The following EPB41L5 variants were observed in gnomAD, a reference collection of about 807,000 sequenced individuals.
EPB41L5 encodes the protein band 4.1-like protein 5.
EPB41L5 carries 55 observed loss-of-function variants against 106.6 expected under a neutral mutation model. The observed-to-expected ratio is 0.52, with a 90% confidence interval of 0.42 to 0.65. EPB41L5 has a LOEUF of 0.65. EPB41L5 is among the 30% of genes least tolerant of loss of function. EPB41L5 has a pLI of 0.00. For missense variants in EPB41L5, 871 were observed against 882.1 expected (o/e 0.99, Z 0.16); for synonymous variants, 297 against 306.7 (o/e 0.97, Z 0.33).
At chr2:120,077,888 A>G (rs943558563) in intron 9 of EPB41L5, among the ~76,000 whole-genome samples, 1 of 152,206 alleles carries the variant, frequency 6.6e-6, no homozygotes, top group Admixed American at 6.5e-5. Flanking sequence ...TCTCCCTCTC[A>G]GGAGGCCTCA....
At chr2:120,113,946 C>G (rs1412920320) in intron 16 of EPB41L5, among the ~76,000 whole-genome samples, 1 of 152,170 alleles carries the variant, frequency 6.6e-6, no homozygotes, top group African/African-American at 2.4e-5. Flanking sequence ...GTGAATGATG[C>G]TATGAACATT....
chr2:120,114,627 A>G (rs1684868384), intron 16 of EPB41L5, among the ~76,000 whole-genome samples: 1 of 152,160 alleles, frequency 6.6e-6, no homozygotes, highest in Non-Finnish European at 1.5e-5. Context: ...TTGTCCTTTT[A>G]TTATTGAATT....
chr2:120,021,067 T>G (rs996327463), intron 2 of EPB41L5, among the ~76,000 whole-genome samples: 1 of 152,220 alleles, frequency 6.6e-6, no homozygotes, highest in Admixed American at 6.5e-5. Flanking sequence ...GTCAGCCAGG[T>G]GCAGTGGCTT....
intron 2 of EPB41L5, among the ~76,000 whole-genome samples, chr2:120,041,412 C>A (rs1574509131): frequency 1.3e-5 from 2 of 152,106 alleles, no homozygotes; most frequent in East Asian, 3.9e-4. Flanking sequence ...TACAAAGTTT[C>A]TTTCCTATTT....
At position 120,157,544 on chromosome 2, in the gene EPB41L5, C is replaced by T. The variant is rs371611695; in HGVS notation, c.1794-3337C>T. On this transcript the variant is annotated intron_variant, in intron 20 of 24. Transcript: ENST00000263713. The stretch of plus-strand genomic sequence containing the variant: ...CAGCAGTTAGGAAGGTGGAGGCAGA[C>T]GGATCACTTGAGACCAGGTGTTCAA... 9.9e-5 allele frequency among the ~76,000 whole-genome samples: 15 copies of T among 152,046 alleles called. No individual in the cohort carries two copies. In the East Asian group the frequency reaches 2.3e-3, roughly 24 times the overall value.
In EPB41L5 at chr2:120,174,870, T is replaced by C. The variant is rs779287787; in HGVS notation, c.2165T>C (p.Val722Ala). 2.5e-6 allele frequency: 4 copies of C among 1,614,148 alleles called. No individual in the cohort carries two copies. The highest frequency in any genetic ancestry group is 3.4e-6 in the Non-Finnish European group (4 of 1,180,016). Residue 722 changes from valine to alanine, a missense_variant, in exon 25 of 25, where the codon GTC becomes GCC. Transcript: ENST00000263713. ...GGTCCCATTTTGGCAGAAGAAGCTG[T>C]CCTGAAGCAGAAGTGTTTACTGACC... ...SSGPILAEEA[V>A]LKQKCLLTTE...
chr2:120,160,030 A>G (rs906013294), intron 20 of EPB41L5, among the ~76,000 whole-genome samples: 1 of 152,252 alleles, frequency 6.6e-6, no homozygotes, highest in Non-Finnish European at 1.5e-5. Context: ...ACACGTGGAC[A>G]CATAGAGGTG....
chr2:120,072,565 T>C (rs572307318), intron 3 of EPB41L5, among the ~76,000 whole-genome samples: 15 of 152,182 alleles, frequency 9.9e-5, no homozygotes, highest in Non-Finnish European at 2.1e-4. Flanking sequence ...ATAAGGAAAA[T>C]GTAGCACATA....
intron 2 of EPB41L5, among the ~76,000 whole-genome samples, chr2:120,028,495 C>G (rs1227392093): frequency 6.6e-6 from 1 of 152,078 alleles, no homozygotes; most frequent in Non-Finnish European, 1.5e-5. Flanking sequence ...ATGATCATCC[C>G]ACTGCACTCC....
At chr2:120,129,048 G>A (rs1685577996) in intron 17 of EPB41L5, among the ~76,000 whole-genome samples, 1 of 152,184 alleles carries the variant, frequency 6.6e-6, no homozygotes, top group Non-Finnish European at 1.5e-5. Context: ...GATGGACTGG[G>A]AAAGGGCTGA....
intron 21 of EPB41L5, among the ~76,000 whole-genome samples, chr2:120,163,204 A>G (rs1181441723): frequency 6.7e-6 from 1 of 148,230 alleles, no homozygotes; most frequent in African/African-American, 2.5e-5. Context: ...GCAGTGAGCT[A>G]TGATTGTACC....
intron 3 of EPB41L5, among the ~76,000 whole-genome samples, chr2:120,044,101 C>T (rs1353137516): frequency 1.3e-5 from 2 of 149,152 alleles, no homozygotes; most frequent in East Asian, 3.9e-4. Flanking sequence ...GATCATGCCA[C>T]TGCACTCTAG....
At chr2:120,146,691 C>T (rs1004116945) in intron 20 of EPB41L5, among the ~76,000 whole-genome samples, 2 of 152,200 alleles carry the variant, frequency 1.3e-5, no homozygotes, top group Non-Finnish European at 2.9e-5. Context: ...TTGCTGCTCC[C>T]TCCAAGTCTC....
chr2:120,057,836 T>C (rs1005807196), intron 3 of EPB41L5, among the ~76,000 whole-genome samples: 2 of 152,042 alleles, frequency 1.3e-5, no homozygotes, highest in Admixed American at 6.5e-5. Context: ...AGTGACAATT[T>C]TGGGTAGTTT....
intron 3 of EPB41L5, among the ~76,000 whole-genome samples, chr2:120,069,128 CAAAAAAAAAAAAAAAAAAAAAAAAA>C (rs539813602): frequency 3.8e-5 from 3 of 79,566 alleles, no homozygotes; most frequent in African/African-American, 5.9e-5. Flanking sequence ...AACTCTGTCT[CAAAAAAAAAAAAAAAAAAAAAAAAA>C]AAAAAAAAAA....
chr2:120,169,934 T>G (rs1481243368), intron 24 of EPB41L5, among the ~76,000 whole-genome samples: 2 of 152,186 alleles, frequency 1.3e-5, no homozygotes, highest in African/African-American at 2.4e-5. Flanking sequence ...ATGGGGCAAC[T>G]GAAACTCTGT....
rs1362448581 is a variant in EPB41L5 at position 120,073,194 on chromosome 2, C to T, written c.302C>T (p.Thr101Ile). The T allele has an allele frequency of 1.9e-6, 3 of 1,607,200 alleles. No homozygotes were observed. Among genetic ancestry groups the T allele is most frequent in the Non-Finnish European group, 2.5e-6 (3 of 1,178,332 alleles). ...SAQVAHWLDG[T>I]KSIKKQVKIG... ...GTTTTTCAGCATTGGTTGGATGGTACAAAAAGCATCAAAAAGCAAGTAAAA... is the reference window on the plus strand; with the variant it reads ...GTTTTTCAGCATTGGTTGGATGGTATAAAAAGCATCAAAAAGCAAGTAAAA... Residue 101 changes from threonine (T) to isoleucine (I), a missense_variant, in exon 4 of 25, where the codon ACA becomes ATA. Thr to Ile is a moderately conservative substitution (Grantham distance 89). Transcript: ENST00000263713.
chr2:120,148,094 A>G (rs1213883856), intron 20 of EPB41L5, among the ~76,000 whole-genome samples: 1 of 152,170 alleles, frequency 6.6e-6, no homozygotes, highest in East Asian at 1.9e-4. Flanking sequence ...CTGTATACCA[A>G]ATATCAAGCT....
chr2:120,164,210 T>A (rs563898719), intron 21 of EPB41L5, among the ~76,000 whole-genome samples: 1 of 151,898 alleles, frequency 6.6e-6, no homozygotes, highest in East Asian at 1.9e-4. Flanking sequence ...CCCGGCTGTA[T>A]TTACTTTTTT....
Sources: gnomAD v4.1 joint callset for allele counts (sites outside exome capture counted in the v4.1 genomes callset) on GRCh38, gnomAD v4.1.1 for gene constraint, MANE v1.5 for transcripts, NCBI Gene and HGNC (gene_info 2026-07-23, HGNC 2026-07-21) for gene names.